NATD1: variants seen among roughly 807,000 people sequenced by gnomAD.
NATD1 encodes N-acetyltransferase domain containing 1, also known as protein NATD1.
In NATD1, 9 loss-of-function variants were observed where a neutral mutation model predicts 12.0. The ratio of observed to expected loss-of-function variants is 0.75; its 90% CI spans 0.45 to 1.30. The LOEUF (loss-of-function observed/expected upper bound fraction) is 1.30. Among genes scored for constraint, NATD1 ranks in the 50% most tolerant of loss-of-function variants. The probability of loss-of-function intolerance (pLI) is 0.00; values close to 1 mark genes in which losing one functional copy is unlikely to be tolerated. For missense variants in NATD1, 148 were observed against 148.5 expected, an observed-to-expected ratio of 1.00 and a Z score of 0.02; for synonymous variants, 71 against 65.9, an observed-to-expected ratio of 1.08 and a Z score of -0.37.
intron 1 of NATD1, among the ~76,000 whole-genome samples, chr17:21,249,375 A>G (rs1760905854): frequency 6.6e-6 from 1 of 152,162 alleles, no homozygotes; most frequent in South Asian, 2.1e-4. Flanking sequence ...TTGGTGGTTC[A>G]TTGGTAGATT....
At chr17:21,245,594 G>A (rs1975318397) in intron 1 of NATD1, among the ~76,000 whole-genome samples, 1 of 152,116 alleles carries the variant, frequency 6.6e-6, no homozygotes, top group African/African-American at 2.4e-5. Context: ...CCCATTTCCA[G>A]ATGAGGAACT....
rs749706784 is a variant in NATD1 at position 21,243,402 on chromosome 17, C to T, written c.253G>A (p.Asp85Asn). ...KAALDFVVEE[D>N]LKAHLTCWYI... ...CAGCAGGTGAGATGGGCCTTCAGGTCCTCCTCCACCACGAAGTCCAGGGCG... is the reference window on the plus strand; with the variant it reads ...CAGCAGGTGAGATGGGCCTTCAGGTTCTCCTCCACCACGAAGTCCAGGGCG... The change falls in exon 3 of 3, where the codon GAC becomes AAC. Residue 85 changes from aspartate (D) to asparagine (N), a missense_variant. Asp to Asn is a conservative substitution (Grantham distance 23, BLOSUM62 1). Transcript: ENST00000611551. 6.2e-7 allele frequency: 1 copy of T among 1,613,320 alleles called. No individual in the cohort carries two copies. The highest frequency in any genetic ancestry group is 8.5e-7 in the Non-Finnish European group (1 of 1,179,964).
At chr17:21,248,514 C>G (rs1262603557) in intron 1 of NATD1, among the ~76,000 whole-genome samples, 5 of 152,196 alleles carry the variant, frequency 3.3e-5, no homozygotes, top group African/African-American at 1.2e-4. Flanking sequence ...ACCCTTCCTT[C>G]TCATTTCAGG....
At position 21,253,140 on chromosome 17, in the gene NATD1, C is replaced by T; in HGVS notation, c.106+19G>A. 1 of 1,010,744 alleles carries T rather than the reference C, an allele frequency of 9.9e-7. No homozygotes were observed. 62.6% of individuals were successfully genotyped at this position (1,010,744 alleles called of 1,614,324 possible). ...CTCGCTCGCAGACAAAAGGTCGGGG[C>T]GGGCCGGGGCCGCCTTACCGTTGAG... On this transcript the variant is annotated intron_variant, in intron 1 of 2. Transcript: ENST00000611551.
At chr17:21,253,056 C>A (rs2144373148) in intron 1 of NATD1, 103 bp downstream of exon 1, 1 of 540,146 alleles carries the variant, frequency 1.9e-6, no homozygotes, top group African/African-American at 2.1e-5. Flanking sequence ...GGGCCGGAGC[C>A]GGGCCGCGGG....
In NATD1 at chr17:21,253,256, G is replaced by T; in HGVS notation, c.9C>A (p.His3Gln). 1 of 995,292 alleles carries T rather than the reference G, an allele frequency of 1.0e-6. No homozygotes were observed. The highest frequency in any genetic ancestry group is 1.2e-6 in the Non-Finnish European group (1 of 837,830). 61.7% of individuals were successfully genotyped at this position (995,292 alleles called of 1,614,324 possible). A position where few individuals can be genotyped will look rare whatever the true frequency, so the allele number is the denominator to read the frequency against. Residue 3 changes from histidine to glutamine, a missense_variant, in exon 1 of 3, where the codon CAC (histidine) becomes CAA (glutamine). Coordinates refer to ENST00000611551, the MANE Select transcript of NATD1 (RefSeq NM_152914.3). MA[H>Q]SAAAVPLGAL... ...CGCCCAGCGGCACGGCGGCAGCCGA[G>T]TGCGCCATCTGCGCGCGGGGCTGCG...
Position 21,243,269 on chromosome 17 carries a change from C to A in NATD1, c.*44G>T, listed in dbSNP as rs1205315237. 1 of 1,537,362 alleles carries A rather than the reference C, an allele frequency of 6.5e-7. No homozygotes were observed. Among genetic ancestry groups the A allele is most frequent in the Non-Finnish European group, 8.9e-7 (1 of 1,123,202 alleles). On this transcript the variant is annotated 3_prime_UTR_variant, in exon 3 of 3. Coordinates refer to ENST00000611551, the MANE Select transcript of NATD1 (RefSeq NM_152914.3). ...AGCACGTGGGGCCAGGCAAAGGCCA[C>A]GTGGAAGAGTCCGGCAGGGAGCGCT...
chr17:21,247,188 C>T (rs895432947), intron 1 of NATD1, among the ~76,000 whole-genome samples: 6 of 152,246 alleles, frequency 3.9e-5, no homozygotes, highest in Admixed American at 1.3e-4. Flanking sequence ...CCTCAGTGAT[C>T]GCACAGCTCA....
chr17:21,252,968 C>T (rs1975392303), intron 1 of NATD1, among the ~76,000 whole-genome samples, 191 bp downstream of exon 1: 2 of 150,840 alleles, frequency 1.3e-5, no homozygotes, highest in African/African-American at 4.8e-5. Flanking sequence ...GCCCCGAGCA[C>T]AACCCGGCCC....
At position 21,242,547 on chromosome 17, in the gene NATD1, CAG is replaced by C. The variant is rs1163367155; in HGVS notation, c.*764_*765del. The stretch of plus-strand genomic sequence containing the variant: ...CCCCCTTGGATCTCCTCCTGGCAGA[CAG>C]GGGTATAGGGGATAGCAGCCCATGG... On this transcript the variant is annotated 3_prime_UTR_variant, in exon 3 of 3. Transcript: ENST00000611551. 6.6e-6 allele frequency: 1 copy of C among 152,212 alleles called. No individual in the cohort carries two copies. The highest frequency in any genetic ancestry group is 1.9e-4 in the East Asian group (1 of 5,184). 9.4% of individuals were successfully genotyped at this position (152,212 alleles called of 1,614,324 possible).
At chr17:21,243,456 G>T in intron 2 of NATD1, 27 bp from the exon 3 acceptor site, 1 of 1,574,440 alleles carries the variant, frequency 6.4e-7, no homozygotes, top group East Asian at 2.2e-5. Context: ...GAGGAGAGTG[G>T]TCAGGGCCTG....
intron 1 of NATD1, 70 bp downstream of exon 1, chr17:21,253,089 C>T: frequency 1.2e-6 from 1 of 830,304 alleles, no homozygotes; most frequent in Non-Finnish European, 1.5e-6. Flanking sequence ...AGGCACCCAG[C>T]AAGGGGGCGG....
At chr17:21,248,797 G>A (rs1308422515) in intron 1 of NATD1, among the ~76,000 whole-genome samples, 1 of 152,176 alleles carries the variant, frequency 6.6e-6, no homozygotes, top group Non-Finnish European at 1.5e-5. Flanking sequence ...AGCAAGCCTA[G>A]GGCAGGGCAG....
chr17:21,248,857 G>A, intron 1 of NATD1, among the ~76,000 whole-genome samples: 1 of 152,256 alleles, frequency 6.6e-6, no homozygotes, highest in Non-Finnish European at 1.5e-5. Flanking sequence ...TGCCAGTCCT[G>A]ACACCCCTCT....
At chr17:21,248,196 G>C (rs1260739953) in intron 1 of NATD1, among the ~76,000 whole-genome samples, 2 of 152,144 alleles carry the variant, frequency 1.3e-5, no homozygotes, top group African/African-American at 2.4e-5. Flanking sequence ...CCCCACCTTG[G>C]AGGGCCTTCA....
In NATD1 at chr17:21,250,942, G is replaced by A. The variant is rs142801076; in HGVS notation, c.106+2217C>T. Among the ~76,000 whole-genome samples the A allele has an allele frequency of 1.4e-3, 207 of 152,284 alleles. 4 individuals are homozygous for A. The highest frequency in any genetic ancestry group is 4.6e-3 in the African/African-American group (191 of 41,574). ...AGCCTCCAGGCTTGCCTTACAGGTC[G>A]GGAATGACACCACAGCCTGTTGTCC... On this transcript the variant is annotated intron_variant, in intron 1 of 2. Transcript: ENST00000611551.
chr17:21,251,996 G>C (rs935862903), intron 1 of NATD1, among the ~76,000 whole-genome samples: 1 of 152,184 alleles, frequency 6.6e-6, no homozygotes, highest in African/African-American at 2.4e-5. Context: ...GACCTCCTGA[G>C]GGGGGATGGG....
At chr17:21,245,683 C>T (rs945447801) in intron 1 of NATD1, among the ~76,000 whole-genome samples, 1 of 152,160 alleles carries the variant, frequency 6.6e-6, no homozygotes, top group Admixed American at 6.5e-5. Flanking sequence ...GAGCCACAGC[C>T]ATTCTTTCTG....
Position 21,243,269 on chromosome 17 carries a change from C to T in NATD1, c.*44G>A, listed in dbSNP as rs1205315237. On this transcript the variant is annotated 3_prime_UTR_variant, in exon 3 of 3. Transcript: ENST00000611551. ...AGCACGTGGGGCCAGGCAAAGGCCA[C>T]GTGGAAGAGTCCGGCAGGGAGCGCT... The T allele has an allele frequency of 1.3e-5, 20 of 1,537,482 alleles. No individual in the cohort carries two copies. The highest frequency in any genetic ancestry group is 2.3e-5 in the East Asian group (1 of 44,350).
Sources: gnomAD v4.1 joint callset for allele counts (sites outside exome capture counted in the v4.1 genomes callset) on GRCh38, gnomAD v4.1.1 for gene constraint, MANE v1.5 for transcripts, NCBI Gene and HGNC (gene_info 2026-07-23, HGNC 2026-07-21) for gene names.